Variants in MGARP observed in about 807,000 individuals in gnomAD.
MGARP encodes protein MGARP.
A neutral mutation model predicts 11.0 loss-of-function variants in MGARP; 12 were observed. The ratio of observed to expected loss-of-function variants is 1.09; its 90% confidence interval spans 0.70 to 1.77. The LOEUF is 1.77. Ranked by LOEUF, MGARP falls within the 40% of genes most tolerant of loss-of-function variation. The pLI, the probability that MGARP is intolerant of heterozygous loss-of-function variation, is 0.00. For missense variants in MGARP, 283 were observed against 297.8 expected (o/e 0.95, Z 0.36); for synonymous variants, 110 against 115.4 (o/e 0.95, Z 0.30).
Position 139,267,009 on chromosome 4 carries a change from C to A in MGARP, c.313G>T (p.Ala105Ser). 1 of 1,613,908 alleles carries A rather than the reference C, an allele frequency of 6.2e-7. No individual in the cohort carries two copies. The highest frequency in any genetic ancestry group is 1.7e-5 in the Admixed American group (1 of 59,984). The change falls in exon 4 of 4, where the codon GCA (alanine) becomes TCA (serine). Residue 105 changes from alanine to serine, a missense_variant. Coordinates refer to ENST00000398955, the MANE Select transcript of MGARP (RefSeq NM_032623.4). ...AGTTCTTCTGGGGCTTCTGAACTTG[C>A]TTTCTCAGTTTCCGCAACATTCTCC... ...EKENVAETEK[A>S]SSEAPEELIV...
chr4:139,268,111 C>T (rs374516903), intron 3 of MGARP, among the ~76,000 whole-genome samples: 1 of 135,710 alleles, frequency 7.4e-6, no homozygotes, highest in Non-Finnish European at 1.5e-5. Context: ...AGGGAGAGCC[C>T]GTGGAGGGAA....
intron 1 of MGARP, among the ~76,000 whole-genome samples, chr4:139,276,896 A>T (rs561997375): frequency 1.4e-4 from 22 of 152,290 alleles, no homozygotes; most frequent in Non-Finnish European, 2.9e-4. Flanking sequence ...GGTTTTGGAT[A>T]TTCTTTATTT....
At chr4:139,279,524 C>A (rs1352613539) in intron 1 of MGARP, among the ~76,000 whole-genome samples, 8 of 152,094 alleles carry the variant, frequency 5.3e-5, no homozygotes, top group African/African-American at 9.7e-5. Context: ...GCTGCTGAGA[C>A]CCTGCCAAGG....
intron 3 of MGARP, 104 bp from the exon 4 acceptor site, chr4:139,267,145 T>C (rs1744711272): frequency 1.9e-6 from 2 of 1,050,094 alleles, no homozygotes; most frequent in Non-Finnish European, 2.8e-6. Context: ...CATGCACTGA[T>C]GTGTAACAGT....
At chr4:139,269,365 A>G (rs987447272) in intron 2 of MGARP, among the ~76,000 whole-genome samples, 2 of 152,170 alleles carry the variant, frequency 1.3e-5, no homozygotes, top group African/African-American at 4.8e-5. Flanking sequence ...GCGGTGGCTC[A>G]TGCCTGTAAT....
chr4:139,269,824 C>CT (rs1418165041), intron 2 of MGARP, among the ~76,000 whole-genome samples: 1 of 151,936 alleles, frequency 6.6e-6, no homozygotes, highest in Non-Finnish European at 1.5e-5. Context: ...ATTAATTTAG[C>CT]TTTTAAGAAA....
intron 1 of MGARP, among the ~76,000 whole-genome samples, chr4:139,279,508 G>A (rs1277233852): frequency 6.6e-6 from 1 of 152,082 alleles, no homozygotes; most frequent in African/African-American, 2.4e-5. Context: ...CGCTCGCGGG[G>A]TTCAGGCTGC....
At chr4:139,274,117 G>A (rs1266557365) in intron 2 of MGARP, among the ~76,000 whole-genome samples, 1 of 150,400 alleles carries the variant, frequency 6.6e-6, no homozygotes, top group East Asian at 2.0e-4. Flanking sequence ...TATGGAGACA[G>A]TAAAAAGATT....
chr4:139,268,579 C>G, intron 3 of MGARP, 93 bp downstream of exon 3: 1 of 847,198 alleles, frequency 1.2e-6, no homozygotes, highest in Non-Finnish European at 1.8e-6. Flanking sequence ...AGGAAAGAAG[C>G]CAAAAGCAAA....
At chr4:139,276,712 G>C (rs1250852570) in intron 1 of MGARP, among the ~76,000 whole-genome samples, 1 of 151,824 alleles carries the variant, frequency 6.6e-6, no homozygotes, top group Non-Finnish European at 1.5e-5. Flanking sequence ...AGCTGAGAGT[G>C]GTGGTATGTG....
intron 2 of MGARP, among the ~76,000 whole-genome samples, chr4:139,269,651 A>G (rs1744749366): frequency 6.6e-6 from 1 of 151,640 alleles, no homozygotes; most frequent in African/African-American, 2.4e-5. Flanking sequence ...AAAAAAAGAA[A>G]AAAGAAAGAA....
At chr4:139,269,720 T>C (rs975236055) in intron 2 of MGARP, among the ~76,000 whole-genome samples, 2 of 152,058 alleles carry the variant, frequency 1.3e-5, no homozygotes, top group South Asian at 4.1e-4. Context: ...AGGCTTCCTT[T>C]CATTTTATAT....
chr4:139,279,608 T>C (rs1231323862), intron 1 of MGARP, among the ~76,000 whole-genome samples: 2 of 152,154 alleles, frequency 1.3e-5, no homozygotes, highest in Non-Finnish European at 2.9e-5. Context: ...CTCCCAGCGC[T>C]TGCCGGGCCC....
chr4:139,275,428 T>C, intron 1 of MGARP, 36 bp from the exon 2 acceptor site: 1 of 1,515,874 alleles, frequency 6.6e-7, no homozygotes, highest in Non-Finnish European at 9.1e-7. Context: ...TTAGCTTCAC[T>C]AGTTGAGCAA....
At position 139,266,650 on chromosome 4, in the gene MGARP, A is replaced by G; in HGVS notation, c.672T>C (p.Asp224=). Residue 224 remains aspartate, a synonymous_variant, in exon 4 of 4, where the codon GAT becomes GAC. Coordinates refer to ENST00000398955, the MANE Select transcript of MGARP (RefSeq NM_032623.4). ...PAESESSAGD[D]LQEEASVGSE... The stretch of plus-strand genomic sequence containing the variant: ...AGCCAACACTGGCTTCCTCCTGTAA[A>G]TCATCTCCAGCAGAGGACTCTGACT... The G allele has an allele frequency of 6.2e-7, 1 of 1,614,036 alleles. No individual in the cohort carries two copies. The highest frequency in any genetic ancestry group is 8.5e-7 in the Non-Finnish European group (1 of 1,180,006).
At chr4:139,271,383 A>G (rs4352420) in intron 2 of MGARP, among the ~76,000 whole-genome samples, 43,529 of 151,854 alleles carry the variant, frequency 0.29, 7,117 homozygotes, top group African/African-American at 0.45. Context: ...AAAATTAGCC[A>G]GGCGTGGTGG....
At position 139,268,771 on chromosome 4, in the gene MGARP, A is replaced by G. The variant is rs375819953; in HGVS notation, c.187-6T>C. 2.0e-4 allele frequency: 317 copies of G among 1,595,400 alleles called. 2 individuals are homozygous for G. Among genetic ancestry groups the G allele is most frequent in the South Asian group, 7.6e-4 (67 of 88,478 alleles). The stretch of plus-strand genomic sequence containing the variant: ...GATGTGACTGTCTTGTAAGCCTGAA[A>G]GTAAATGTATGCTTAGGTTTATTTC... On this transcript the variant is annotated splice_region_variant and splice_polypyrimidine_tract_variant and intron_variant, in intron 2 of 3. Transcript: ENST00000398955.
Position 139,266,938 on chromosome 4 carries a change from A to G in MGARP, c.384T>C (p.Ala128=). ...EVVDAEESPS[A]TVVVIKEASA... ...ATGCCTCTTTTATGACCACAACTGT[A>G]GCACTGGGACTTTCTTCAGCATCTA... Residue 128 remains alanine (A), a synonymous_variant, in exon 4 of 4, where the codon GCT becomes GCC. Coordinates refer to ENST00000398955, the MANE Select transcript of MGARP (RefSeq NM_032623.4). 6.2e-7 allele frequency: 1 copy of G among 1,614,188 alleles called. No homozygotes were observed. The highest frequency in any genetic ancestry group is 1.6e-4 in the Middle Eastern group (1 of 6,062).
intron 2 of MGARP, among the ~76,000 whole-genome samples, chr4:139,270,298 C>CA (rs963066917): frequency 0.05 from 3,313 of 66,298 alleles, 48 homozygotes; most frequent in Middle Eastern, 0.094. Flanking sequence ...AACTCCGTCT[C>CA]AAAAAAAAAA....
Sources: gnomAD v4.1 joint callset for allele counts (sites outside exome capture counted in the v4.1 genomes callset) on GRCh38, gnomAD v4.1.1 for gene constraint, MANE v1.5 for transcripts, NCBI Gene and HGNC (gene_info 2026-07-23, HGNC 2026-07-21) for gene names.